RNGTT: variants seen among roughly 807,000 people sequenced by gnomAD.
The protein encoded by RNGTT is mRNA-capping enzyme.
Under a neutral mutation model 79.3 loss-of-function variants are expected in RNGTT, and 33 were observed. The ratio of observed to expected loss-of-function variants is 0.42; its 90% confidence interval spans 0.32 to 0.56. The LOEUF (loss-of-function observed/expected upper bound fraction) is 0.56, where lower values mean the gene tolerates loss of function less well. Among genes scored for constraint, RNGTT ranks in the 20% least tolerant of loss-of-function variants. RNGTT has a pLI of 0.17. For synonymous variants in RNGTT, 222 were observed against 235.9 expected, an observed-to-expected ratio of 0.94 and a Z score of 0.54; for missense variants, 497 against 739.1, an observed-to-expected ratio of 0.67 and a Z score of 3.80.
At chr6:88,873,326 C>T (rs1470765955) in intron 8 of RNGTT, among the ~76,000 whole-genome samples, 1 of 152,136 alleles carries the variant, frequency 6.6e-6, no homozygotes, top group Non-Finnish European at 1.5e-5. Flanking sequence ...TTTAAATATG[C>T]TTTTAACTAG....
At chr6:88,932,222 G>A (rs1352327320) in intron 2 of RNGTT, among the ~76,000 whole-genome samples, 2 of 152,136 alleles carry the variant, frequency 1.3e-5, no homozygotes, top group Non-Finnish European at 2.9e-5. Context: ...CTAGTCTCCT[G>A]CACACCCCCA....
At chr6:88,920,103 C>T (rs753583930) in intron 4 of RNGTT, among the ~76,000 whole-genome samples, 2 of 151,976 alleles carry the variant, frequency 1.3e-5, no homozygotes, top group Non-Finnish European at 2.9e-5. Context: ...GCCTGAACAA[C>T]ATAGCCAGAC....
At chr6:88,915,744 C>T (rs906783510) in intron 4 of RNGTT, among the ~76,000 whole-genome samples, 1 of 152,122 alleles carries the variant, frequency 6.6e-6, no homozygotes. Context: ...ACAACCTGCT[C>T]ATGTTACCCA....
intron 3 of RNGTT, 45 bp from the exon 4 acceptor site, chr6:88,929,118 T>G (rs1784407117): frequency 6.3e-7 from 1 of 1,584,970 alleles, no homozygotes. Context: ...GATTACAAAT[T>G]GTGATGAAAG....
At chr6:88,864,615 C>T (rs764789972) in intron 8 of RNGTT, among the ~76,000 whole-genome samples, 1 of 152,056 alleles carries the variant, frequency 6.6e-6, no homozygotes, top group South Asian at 2.1e-4. Flanking sequence ...TGTCCTAAGA[C>T]AGTTTTAAGA....
At chr6:88,625,205 G>A (rs1010900137) in intron 14 of RNGTT, among the ~76,000 whole-genome samples, 2 of 151,796 alleles carry the variant, frequency 1.3e-5, no homozygotes, top group East Asian at 1.9e-4. Context: ...TTTACCATAA[G>A]AGCCGGCAAT....
chr6:88,666,610 G>A (rs1419742985), intron 14 of RNGTT, among the ~76,000 whole-genome samples: 6 of 152,218 alleles, frequency 3.9e-5, no homozygotes, highest in Non-Finnish European at 7.3e-5. Flanking sequence ...AGAGAGCCCA[G>A]TTGAACATAA....
At chr6:88,674,744 A>C (rs915281805) in intron 14 of RNGTT, among the ~76,000 whole-genome samples, 4 of 152,084 alleles carry the variant, frequency 2.6e-5, no homozygotes, top group African/African-American at 7.2e-5. Context: ...CCAAGAAACA[A>C]ATGTGAAAAA....
intron 1 of RNGTT, among the ~76,000 whole-genome samples, chr6:88,956,688 C>T (rs1181096717): frequency 6.6e-6 from 1 of 152,146 alleles, no homozygotes; most frequent in Non-Finnish European, 1.5e-5. Flanking sequence ...AAAGGTAATA[C>T]ACCATGATCA....
chr6:88,859,419 G>T (rs1237192554), intron 8 of RNGTT, among the ~76,000 whole-genome samples: 1 of 152,146 alleles, frequency 6.6e-6, no homozygotes, highest in Non-Finnish European at 1.5e-5. Context: ...GGAACAAAAT[G>T]AAAGAGGTCT....
intron 11 of RNGTT, among the ~76,000 whole-genome samples, chr6:88,823,581 C>A (rs1021270148): frequency 1.1e-4 from 16 of 151,750 alleles, no homozygotes; most frequent in African/African-American, 3.9e-4. Flanking sequence ...AAGAGATAAA[C>A]CCAGTAAAAA....
chr6:88,920,998 T>C (rs374534301), intron 4 of RNGTT, among the ~76,000 whole-genome samples: 2 of 152,228 alleles, frequency 1.3e-5, no homozygotes, highest in Admixed American at 6.5e-5. Context: ...TTATTTCTTA[T>C]AGTATTACTG....
chr6:88,826,484 C>T (rs1018706785), intron 11 of RNGTT, among the ~76,000 whole-genome samples: 4 of 151,988 alleles, frequency 2.6e-5, no homozygotes, highest in East Asian at 1.9e-4. Flanking sequence ...TGGCTCTGCT[C>T]GAAGTATAAA....
At chr6:88,849,221 C>G (rs1368470253) in intron 10 of RNGTT, among the ~76,000 whole-genome samples, 2 of 151,926 alleles carry the variant, frequency 1.3e-5, no homozygotes, top group Non-Finnish European at 2.9e-5. Flanking sequence ...TGTTTTCTGG[C>G]CCTGAGGCTC....
At chr6:88,956,654 T>C (rs1785441731) in intron 1 of RNGTT, among the ~76,000 whole-genome samples, 1 of 152,184 alleles carries the variant, frequency 6.6e-6, no homozygotes, top group South Asian at 2.1e-4. Context: ...AAATGCCAGC[T>C]AACCAAATCC....
chr6:88,930,186 A>C (rs1157929925), intron 2 of RNGTT, among the ~76,000 whole-genome samples: 1 of 148,316 alleles, frequency 6.7e-6, no homozygotes, highest in Non-Finnish European at 1.5e-5. Flanking sequence ...ATGTATATAC[A>C]TATATACATA....
At chr6:88,617,868 A>T (rs1206185260) in intron 14 of RNGTT, among the ~76,000 whole-genome samples, 2 of 81,208 alleles carry the variant, frequency 2.5e-5, no homozygotes, top group Non-Finnish European at 4.4e-5. Context: ...CTGCTTAATT[A>T]AAAAAAAAAA....
intron 2 of RNGTT, among the ~76,000 whole-genome samples, chr6:88,938,588 T>C (rs1446359334): frequency 6.6e-6 from 1 of 152,220 alleles, no homozygotes; most frequent in Non-Finnish European, 1.5e-5. Context: ...TCTGGTTGTT[T>C]TGTATATTCT....
intron 8 of RNGTT, among the ~76,000 whole-genome samples, chr6:88,860,962 G>C (rs148978201): frequency 6.6e-6 from 1 of 152,022 alleles, no homozygotes; most frequent in African/African-American, 2.4e-5. Flanking sequence ...TAATACCAAG[G>C]GTTACATAAT....
Sources: gnomAD v4.1 joint callset for allele counts (sites outside exome capture counted in the v4.1 genomes callset) on GRCh38, gnomAD v4.1.1 for gene constraint, MANE v1.5 for transcripts, NCBI Gene and HGNC (gene_info 2026-07-23, HGNC 2026-07-21) for gene names.